Variants in MUC7 observed in about 807,000 individuals in gnomAD.
The protein encoded by MUC7 is mucin-7.
MUC7 carries 2 observed loss-of-function variants against 2.5 expected under a neutral mutation model. The ratio of observed to expected loss-of-function variants is 0.81; its 90% CI spans 0.33 to 2.55. The LOEUF (loss-of-function observed/expected upper bound fraction) is 2.55. Among genes scored for constraint, MUC7 ranks in the 30% most tolerant of loss-of-function variants. MUC7 has a pLI of 0.11. For synonymous variants in MUC7, 133 were observed against 173.4 expected, an observed-to-expected ratio of 0.77 and a Z score of 1.83; for missense variants, 408 against 455.6, an observed-to-expected ratio of 0.90 and a Z score of 0.95.
At chr4:70,433,755 C>T (rs1733744859) in intron 1 of MUC7, among the ~76,000 whole-genome samples, 1 of 152,178 alleles carries the variant, frequency 6.6e-6, no homozygotes, top group Non-Finnish European at 1.5e-5. Context: ...GAACTTCCAA[C>T]ACTATGTTGA....
At chr4:70,451,088 C>T (rs975164446) in intron 1 of MUC7, among the ~76,000 whole-genome samples, 4 of 152,172 alleles carry the variant, frequency 2.6e-5, no homozygotes, top group African/African-American at 4.8e-5. Context: ...GTGCTGTAGC[C>T]CTCAGTGGTG....
At chr4:70,468,498 T>A (rs901202406), upstream of MUC7, among the ~76,000 whole-genome samples, 1 of 152,210 alleles carries the variant, frequency 6.6e-6, no homozygotes, top group Non-Finnish European at 1.5e-5. Flanking sequence ...CATGATTGTA[T>A]ATTTAGAAAA....
At chr4:70,469,588 G>C (rs1734778921), upstream of MUC7, among the ~76,000 whole-genome samples, 1 of 152,170 alleles carries the variant, frequency 6.6e-6, no homozygotes, top group Non-Finnish European at 1.5e-5. Context: ...CCATCAAAAA[G>C]TGGACAAAGG....
upstream of MUC7, among the ~76,000 whole-genome samples, chr4:70,470,603 A>T (rs7696171): frequency 1.6e-3 from 240 of 152,260 alleles, no homozygotes; most frequent in African/African-American, 5.6e-3. Context: ...TCAATTTTTG[A>T]GGTCATTACA....
intron 1 of MUC7, among the ~76,000 whole-genome samples, chr4:70,434,043 A>T (rs573020667): frequency 1.6e-4 from 25 of 151,896 alleles, no homozygotes; most frequent in African/African-American, 5.8e-4. Flanking sequence ...ATTTATGTTG[A>T]ACCAGCCTTG....
At chr4:70,458,638 A>G (rs1296866820) in intron 1 of MUC7, among the ~76,000 whole-genome samples, 1 of 152,162 alleles carries the variant, frequency 6.6e-6, no homozygotes, top group Admixed American at 6.6e-5. Flanking sequence ...GATAATGAGA[A>G]AAAAAGAGAA....
intron 1 of MUC7, among the ~76,000 whole-genome samples, chr4:70,450,035 G>C (rs983856920): frequency 5.9e-5 from 9 of 152,332 alleles, no homozygotes; most frequent in African/African-American, 1.9e-4. Context: ...CTTCCATTCA[G>C]GATGGTGAGG....
chr4:70,432,501 T>C (rs1733700908), intron 1 of MUC7, among the ~76,000 whole-genome samples: 1 of 152,250 alleles, frequency 6.6e-6, no homozygotes, highest in Admixed American at 6.5e-5. Context: ...TGGCCAGTGA[T>C]GATGAGCATT....
intron 2 of MUC7, among the ~76,000 whole-genome samples, chr4:70,479,680 C>T (rs1335484672): frequency 6.6e-6 from 1 of 152,112 alleles, no homozygotes; most frequent in Non-Finnish European, 1.5e-5. Flanking sequence ...AGATAAGAAA[C>T]TGAAACAGTG....
At chr4:70,458,421 G>A (rs965351718) in intron 1 of MUC7, among the ~76,000 whole-genome samples, 1 of 152,032 alleles carries the variant, frequency 6.6e-6, no homozygotes, top group African/African-American at 2.4e-5. Context: ...GTTCATGGGT[G>A]TTCACTTATT....
intron 1 of MUC7, among the ~76,000 whole-genome samples, chr4:70,457,372 A>G (rs191572933): frequency 1.3e-5 from 2 of 152,240 alleles, no homozygotes; most frequent in African/African-American, 2.4e-5. Context: ...TGAGGCCAGG[A>G]GGTTAAGGTT....
upstream of MUC7, among the ~76,000 whole-genome samples, chr4:70,467,475 G>T (rs1167922865): frequency 6.6e-6 from 1 of 152,124 alleles, no homozygotes; most frequent in Non-Finnish European, 1.5e-5. Context: ...CCAGGAGTTG[G>T]TTTTTTGAAA....
chr4:70,454,873 T>C (rs1734376390), intron 1 of MUC7, among the ~76,000 whole-genome samples: 1 of 152,220 alleles, frequency 6.6e-6, no homozygotes. Context: ...TTTGAAATTT[T>C]GCAAAAATAA....
At chr4:70,451,427 C>T (rs530381576) in intron 1 of MUC7, among the ~76,000 whole-genome samples, 2 of 152,258 alleles carry the variant, frequency 1.3e-5, no homozygotes, top group African/African-American at 2.4e-5. Flanking sequence ...GCCTGATTTT[C>T]GGTTCTTATG....
intron 1 of MUC7, among the ~76,000 whole-genome samples, chr4:70,448,081 G>T (rs1734189625): frequency 6.6e-6 from 1 of 152,078 alleles, no homozygotes; most frequent in African/African-American, 2.4e-5. Context: ...TTAACATCAT[G>T]ATCTCCAGTT....
intron 1 of MUC7, among the ~76,000 whole-genome samples, chr4:70,450,191 C>T (rs1220364762): frequency 6.6e-6 from 1 of 152,218 alleles, no homozygotes; most frequent in African/African-American, 2.4e-5. Flanking sequence ...CCTCTTTCCT[C>T]CCTTTTCCCA....
chr4:70,439,166 T>C (rs1265430988), intron 1 of MUC7, among the ~76,000 whole-genome samples: 1 of 152,178 alleles, frequency 6.6e-6, no homozygotes, highest in Non-Finnish European at 1.5e-5. Flanking sequence ...TTTAAAGAGA[T>C]GTCATTTAAG....
chr4:70,456,876 A>T (rs1425555014), intron 1 of MUC7, among the ~76,000 whole-genome samples: 2 of 152,248 alleles, frequency 1.3e-5, no homozygotes, highest in Non-Finnish European at 2.9e-5. Context: ...TACAAAAGTT[A>T]AAAGTGAACA....
intron 1 of MUC7, among the ~76,000 whole-genome samples, chr4:70,446,743 C>T (rs1030208584): frequency 2.0e-5 from 3 of 152,150 alleles, no homozygotes; most frequent in East Asian, 1.9e-4. Context: ...CCTTCCTAAA[C>T]TTCTAATGCC....
Sources: gnomAD v4.1 joint callset for allele counts (sites outside exome capture counted in the v4.1 genomes callset) on GRCh38, gnomAD v4.1.1 for gene constraint, MANE v1.5 for transcripts, NCBI Gene and HGNC (gene_info 2026-07-23, HGNC 2026-07-21) for gene names.